Variants in DOCK3 observed in about 807,000 individuals in gnomAD.
DOCK3 encodes the protein dedicator of cytokinesis 3, also known as dedicator of cytokinesis protein 3.
A neutral mutation model predicts 265.6 loss-of-function variants in DOCK3; 60 were observed. The observed-to-expected ratio is 0.23, with a 90% CI of 0.18 to 0.28. The LOEUF is 0.28. DOCK3 is among the 10% of genes least tolerant of loss of function. The probability of loss-of-function intolerance (pLI) is 1.00; values close to 1 mark genes in which losing one functional copy is unlikely to be tolerated. For synonymous variants in DOCK3, 881 were observed against 938.0 expected (o/e 0.94, Z 1.11); for missense variants, 1,981 against 2,594.3 (o/e 0.76, Z 5.14).
chr3:51,253,708 T>G (rs141315885), intron 22 of DOCK3, among the ~76,000 whole-genome samples: 1 of 152,340 alleles, frequency 6.6e-6, no homozygotes, highest in East Asian at 1.9e-4. Context: ...TCGATGGCGA[T>G]ATCACCTTTG....
At chr3:51,246,904 C>A in intron 22 of DOCK3, 97 bp downstream of exon 22, 1 of 1,184,928 alleles carries the variant, frequency 8.4e-7, no homozygotes, top group Non-Finnish European at 1.2e-6. Context: ...GTAGACATCG[C>A]AGTACCTGGC....
At chr3:50,972,513 A>G (rs2077267824) in intron 5 of DOCK3, among the ~76,000 whole-genome samples, 2 of 152,274 alleles carry the variant, frequency 1.3e-5, no homozygotes, top group Non-Finnish European at 2.9e-5. Context: ...GGCAAGGGAA[A>G]GCATGCACTG....
intron 3 of DOCK3, among the ~76,000 whole-genome samples, chr3:50,844,794 G>T (rs1203745188): frequency 2.6e-5 from 4 of 152,034 alleles, no homozygotes; most frequent in Non-Finnish European, 4.4e-5. Flanking sequence ...TGAGGACTTT[G>T]TTTTTTCTGC....
At chr3:51,362,045 A>G in intron 48 of DOCK3, 48 bp downstream of exon 48, 1 of 1,557,564 alleles carries the variant, frequency 6.4e-7, no homozygotes, top group East Asian at 2.3e-5. Flanking sequence ...TGCCTACAGA[A>G]CTCACCTTGC....
At position 51,350,307 on chromosome 3, in the gene DOCK3, A is replaced by G; in HGVS notation, c.4022A>G (p.Tyr1341Cys). The part of the protein sequence containing the change: ...SWIRKMEASY[Y>C]DNIMEQQRLE... Reference sequence around the variant, plus strand: ...TCACAGAAAATGGAGGCCAGCTACTATGACAACATTATGGAGCAGCAACGC... The same window carrying G: ...TCACAGAAAATGGAGGCCAGCTACTGTGACAACATTATGGAGCAGCAACGC... Residue 1341 changes from tyrosine (Y) to cysteine (C), a missense_variant, in exon 40 of 53, where the codon TAT (tyrosine) becomes TGT (cysteine). By Grantham distance (194) the Tyr-to-Cys change is radical. This residue lies in a region of DOCK3 where 1,357 missense variants were observed against 1,866.8 expected (regional missense o/e 0.73). Coordinates refer to ENST00000266037, the MANE Select transcript of DOCK3 (RefSeq NM_004947.5). The G allele has an allele frequency of 5.6e-6, 9 of 1,606,170 alleles. No homozygotes were observed. The highest frequency in any genetic ancestry group is 7.6e-6 in the Non-Finnish European group (9 of 1,178,076).
chr3:50,781,032 A>G lies in DOCK3; in HGVS notation c.121+2274A>G, dbSNP rs142111597. ...TAGTATTCCATTGTGTATATACAACATATTTTCTTAATCCATCTGTTATTG... is the reference window on the plus strand; with the variant it reads ...TAGTATTCCATTGTGTATATACAACGTATTTTCTTAATCCATCTGTTATTG... On this transcript the variant is annotated intron_variant, in intron 2 of 52. Transcript: ENST00000266037. Among the ~76,000 whole-genome samples the G allele has an allele frequency of 2.1e-3, 312 of 152,128 alleles. 1 individual carries two copies. The highest frequency in any genetic ancestry group is 3.9e-3 in the Non-Finnish European group (267 of 68,012).
In DOCK3 at chr3:51,333,226, G is replaced by A. The variant is rs188958196; in HGVS notation, c.3584G>A (p.Arg1195His). 1.3e-5 allele frequency: 21 copies of A among 1,613,412 alleles called. No individual in the cohort carries two copies. Among genetic ancestry groups the A allele is most frequent in the Admixed American group, 3.3e-5 (2 of 60,030 alleles). Reference protein sequence around the residue: ...TGISFVTSVTRLMERLLDYRD... With the variant: ...TGISFVTSVTHLMERLLDYRD... ...ATTTCCTTTGTGACCTCAGTCACCC[G>A]CCTCATGGAACGTCTTCTTGACTAC... The change falls in exon 35 of 53, where the codon CGC (arginine) becomes CAC (histidine). Residue 1195 changes from arginine (R) to histidine (H), a missense_variant. Arg to His is a conservative substitution (Grantham distance 29, BLOSUM62 0). Coordinates refer to ENST00000266037, the MANE Select transcript of DOCK3 (RefSeq NM_004947.5).
intron 9 of DOCK3, among the ~76,000 whole-genome samples, chr3:51,110,864 C>T (rs2083481306): frequency 6.6e-6 from 1 of 152,090 alleles, no homozygotes; most frequent in African/African-American, 2.4e-5. Context: ...TAAAAGGCCT[C>T]TACGTAGGAA....
At chr3:51,372,275 C>T (rs371500598) in intron 49 of DOCK3, among the ~76,000 whole-genome samples, 1 of 152,352 alleles carries the variant, frequency 6.6e-6, no homozygotes, top group African/African-American at 2.4e-5. Context: ...AACACAGAAA[C>T]CCTTGTGTTG....
intron 1 of DOCK3, among the ~76,000 whole-genome samples, chr3:50,684,304 T>C (rs1472870665): frequency 6.6e-6 from 1 of 152,236 alleles, no homozygotes; most frequent in East Asian, 1.9e-4. Flanking sequence ...TTCATGTTTG[T>C]ATCATCAGGA....
intron 2 of DOCK3, 102 bp downstream of exon 2, chr3:50,778,860 A>G (rs1238685258): frequency 1.1e-5 from 8 of 739,444 alleles, no homozygotes; most frequent in Admixed American, 5.5e-5. Context: ...TTCTGGAGCC[A>G]TAATTAGTCA....
At chr3:51,069,174 T>C (rs924519146) in intron 6 of DOCK3, among the ~76,000 whole-genome samples, 3 of 152,180 alleles carry the variant, frequency 2.0e-5, no homozygotes, top group Non-Finnish European at 4.4e-5. Context: ...CTTTCTACAT[T>C]GTGCTCTTTA....
Position 50,850,135 on chromosome 3 carries a change from C to A in DOCK3, c.162+8420C>A, listed in dbSNP as rs59059698. Among the ~76,000 whole-genome samples the A allele has an allele frequency of 3.6e-3, 550 of 151,822 alleles. 6 individuals are homozygous for A. The highest frequency in any genetic ancestry group is 0.013 in the African/African-American group (523 of 41,364). On this transcript the variant is annotated intron_variant, in intron 3 of 52. Coordinates refer to ENST00000266037, the MANE Select transcript of DOCK3 (RefSeq NM_004947.5). Reference sequence around the variant, plus strand: ...GTGGCTCACACCTGTAATCCCAGCACTTTGGGAGGCCGAGGCGGGTGGATC... The same window carrying A: ...GTGGCTCACACCTGTAATCCCAGCAATTTGGGAGGCCGAGGCGGGTGGATC...
At chr3:51,046,856 A>G (rs2080796663) in intron 5 of DOCK3, among the ~76,000 whole-genome samples, 2 of 152,198 alleles carry the variant, frequency 1.3e-5, no homozygotes, top group Admixed American at 6.6e-5. Flanking sequence ...GTTTGAAATC[A>G]CTTTAAATAT....
intron 3 of DOCK3, among the ~76,000 whole-genome samples, chr3:50,880,904 C>A (rs1375386745): frequency 4.6e-5 from 7 of 152,162 alleles, no homozygotes; most frequent in Non-Finnish European, 8.8e-5. Context: ...CTGAATCCAG[C>A]AGCGAATCAA....
chr3:50,734,786 G>A (rs956558723), intron 1 of DOCK3, among the ~76,000 whole-genome samples: 1 of 151,868 alleles, frequency 6.6e-6, no homozygotes, highest in Non-Finnish European at 1.5e-5. Context: ...TGTATTTTTA[G>A]TAGAGGCGGG....
intron 4 of DOCK3, among the ~76,000 whole-genome samples, chr3:50,894,170 T>C (rs901785399): frequency 2.0e-5 from 3 of 151,822 alleles, no homozygotes; most frequent in Non-Finnish European, 4.4e-5. Context: ...CTGAGATGCA[T>C]TGTGGTCAAA....
intron 1 of DOCK3, among the ~76,000 whole-genome samples, chr3:50,763,249 T>A (rs536766102): frequency 5.1e-4 from 77 of 152,298 alleles, no homozygotes; most frequent in African/African-American, 1.7e-3. Context: ...TCTTTTCATA[T>A]TAGAGAGCAA....
intron 22 of DOCK3, among the ~76,000 whole-genome samples, chr3:51,250,136 G>A (rs2079122857): frequency 6.6e-6 from 1 of 151,792 alleles, no homozygotes; most frequent in Admixed American, 6.6e-5. Flanking sequence ...CAAATGCTGC[G>A]GAAGGCCGCA....
Sources: allele counts gnomAD v4.1 joint callset (sites outside exome capture counted in the v4.1 genomes callset), GRCh38; gene constraint gnomAD v4.1.1; regional missense constraint gnomAD v4.1.1; transcripts MANE v1.5; gene names NCBI Gene and HGNC (gene_info 2026-07-23, HGNC 2026-07-21).